Variants in NR3C2 observed in about 807,000 individuals in gnomAD.
NR3C2 encodes nuclear receptor subfamily 3 group C member 2.
Under a neutral mutation model 86.4 loss-of-function variants are expected in NR3C2, and 15 were observed. The ratio of observed to expected loss-of-function variants is 0.17; its 90% CI spans 0.12 to 0.27. The LOEUF is 0.27. NR3C2 is among the 10% of genes least tolerant of loss of function. NR3C2 has a pLI of 1.00. For synonymous variants in NR3C2, 458 were observed against 450.5 expected (o/e 1.02, Z -0.21); for missense variants, 960 against 1,195.6 (o/e 0.80, Z 2.91).
chr4:148,405,998 T>TA (rs893580398), intron 2 of NR3C2, among the ~76,000 whole-genome samples: 5 of 152,040 alleles, frequency 3.3e-5, no homozygotes, highest in African/African-American at 1.2e-4. Context: ...TTTGGGTTTT[T>TA]AAAAAAAAAT....
chr4:148,152,443 A>T (rs1560948358), intron 6 of NR3C2, 26 bp downstream of exon 6: 6 of 1,609,498 alleles, frequency 3.7e-6, no homozygotes, highest in African/African-American at 1.3e-5. Context: ...AGTTTATTTT[A>T]TGAAGGCTAA....
intron 2 of NR3C2, among the ~76,000 whole-genome samples, chr4:148,316,226 C>T (rs1019135221): frequency 6.6e-6 from 1 of 152,040 alleles, no homozygotes; most frequent in African/African-American, 2.4e-5. Flanking sequence ...CATACACACA[C>T]AGGATTGTAA....
intron 1 of NR3C2, among the ~76,000 whole-genome samples, chr4:148,440,412 G>A (rs558612437): frequency 6.6e-5 from 10 of 152,200 alleles, no homozygotes; most frequent in Non-Finnish European, 1.2e-4. Context: ...AATACTAGTC[G>A]ATGAATATGA....
chr4:148,098,633 A>G (rs1307628093), intron 8 of NR3C2, among the ~76,000 whole-genome samples: 1 of 152,206 alleles, frequency 6.6e-6, no homozygotes, highest in Non-Finnish European at 1.5e-5. Context: ...AATGCCTGCA[A>G]AAGTGCCCTG....
intron 2 of NR3C2, among the ~76,000 whole-genome samples, chr4:148,321,994 C>T (rs1579155613): frequency 6.6e-6 from 1 of 152,164 alleles, no homozygotes; most frequent in East Asian, 1.9e-4. Flanking sequence ...TACATTTTGG[C>T]ATGATTTTGC....
intron 2 of NR3C2, among the ~76,000 whole-genome samples, chr4:148,384,611 T>C (rs1579234418): frequency 6.6e-6 from 1 of 152,334 alleles, no homozygotes; most frequent in African/African-American, 2.4e-5. Context: ...TAACTTTAAT[T>C]TCCCAATACG....
intron 3 of NR3C2, among the ~76,000 whole-genome samples, chr4:148,230,795 C>T (rs969344030): frequency 1.3e-5 from 2 of 152,128 alleles, no homozygotes; most frequent in Admixed American, 1.3e-4. Flanking sequence ...ACACACAAAA[C>T]AGGAGAATGT....
At chr4:148,100,143 C>T (rs1166807829) in intron 8 of NR3C2, among the ~76,000 whole-genome samples, 2 of 152,090 alleles carry the variant, frequency 1.3e-5, no homozygotes, top group Non-Finnish European at 2.9e-5. Context: ...ATACTTTTTT[C>T]CCTTCTTTAA....
chr4:148,140,019 T>G (rs1733534518), intron 6 of NR3C2, among the ~76,000 whole-genome samples: 1 of 152,202 alleles, frequency 6.6e-6, no homozygotes, highest in African/African-American at 2.4e-5. Flanking sequence ...TTCAAGTGTG[T>G]TTCCCTTCTT....
intron 2 of NR3C2, among the ~76,000 whole-genome samples, chr4:148,418,555 C>A (rs931031411): frequency 6.6e-6 from 1 of 152,132 alleles, no homozygotes; most frequent in Non-Finnish European, 1.5e-5. Flanking sequence ...TTTATTAATA[C>A]TACATTGTTA....
At chr4:148,184,812 A>T (rs17580982) in intron 4 of NR3C2, among the ~76,000 whole-genome samples, 2,193 of 152,266 alleles carry the variant, frequency 0.014, 34 homozygotes, top group Non-Finnish European at 0.026. Flanking sequence ...CTTTTGGGCC[A>T]CATCTGCAAT....
chr4:148,231,358 T>C (rs1738450501), intron 3 of NR3C2, among the ~76,000 whole-genome samples: 1 of 152,210 alleles, frequency 6.6e-6, no homozygotes, highest in Admixed American at 6.5e-5. Flanking sequence ...GCCTTAGAGA[T>C]ATTGAGAGCT....
At chr4:148,337,198 A>G (rs1744536966) in intron 2 of NR3C2, among the ~76,000 whole-genome samples, 1 of 152,252 alleles carries the variant, frequency 6.6e-6, no homozygotes, top group East Asian at 1.9e-4. Context: ...ACACAGGAAA[A>G]AAGTCTATGA....
chr4:148,271,208 A>G (rs543177761), intron 2 of NR3C2, among the ~76,000 whole-genome samples: 5 of 152,036 alleles, frequency 3.3e-5, no homozygotes, highest in Non-Finnish European at 7.4e-5. Context: ...TATTGTTGTT[A>G]TTATTTTCAT....
At chr4:148,333,037 G>A (rs1744305313) in intron 2 of NR3C2, among the ~76,000 whole-genome samples, 1 of 151,966 alleles carries the variant, frequency 6.6e-6, no homozygotes, top group African/African-American at 2.4e-5. Context: ...AGGCCAAGGT[G>A]GGCAGATTGC....
chr4:148,354,294 A>G (rs1475363788), intron 2 of NR3C2, among the ~76,000 whole-genome samples: 4 of 152,166 alleles, frequency 2.6e-5, no homozygotes, highest in Non-Finnish European at 4.4e-5. Context: ...AGAACACAGT[A>G]TATTATATAT....
intron 2 of NR3C2, among the ~76,000 whole-genome samples, chr4:148,275,118 TAAAC>T (rs1236323719): frequency 6.6e-6 from 1 of 152,222 alleles, no homozygotes; most frequent in Non-Finnish European, 1.5e-5. Flanking sequence ...ATTTTTAACT[TAAAC>T]AATTATAGCC....
intron 6 of NR3C2, among the ~76,000 whole-genome samples, chr4:148,141,151 G>A (rs560504136): frequency 3.3e-5 from 5 of 152,010 alleles, no homozygotes; most frequent in African/African-American, 4.8e-5. Flanking sequence ...GTATTTTTGC[G>A]GCCGGGTGTG....
chr4:148,444,774 C>T (rs1435610845), upstream of NR3C2: 5 of 984,824 alleles, frequency 5.1e-6, no homozygotes, highest in Non-Finnish European at 2.4e-6. Flanking sequence ...ACCCGCCCGC[C>T]CCCAGCGGCG....
Sources: gnomAD v4.1 joint callset for allele counts (sites outside exome capture counted in the v4.1 genomes callset) on GRCh38, gnomAD v4.1.1 for gene constraint, MANE v1.5 for transcripts, NCBI Gene and HGNC (gene_info 2026-07-23, HGNC 2026-07-21) for gene names.